The following LIN52 variants were observed in gnomAD, a reference collection of about 807,000 sequenced individuals.
LIN52 encodes lin-52 DREAM MuvB core complex component.
Under a neutral mutation model 18.5 loss-of-function variants are expected in LIN52, and 4 were observed. The ratio of observed to expected loss-of-function variants is 0.22; its 90% CI spans 0.11 to 0.49. The LOEUF is 0.49. LIN52 is among the 20% of genes least tolerant of loss of function. The pLI is 0.97. For synonymous variants in LIN52, 34 were observed against 45.5 expected (o/e 0.75, Z 1.02); for missense variants, 102 against 139.5 (o/e 0.73, Z 1.35).
At chr14:74,162,182 T>G (rs1392998031) in intron 5 of LIN52, among the ~76,000 whole-genome samples, 3 of 152,172 alleles carry the variant, frequency 2.0e-5, no homozygotes, top group African/African-American at 7.2e-5. Flanking sequence ...AATTGGAAGA[T>G]AACAAAGCAT....
chr14:74,096,012 G>A (rs1381837906), intron 3 of LIN52, 27 bp downstream of exon 3: 5 of 1,553,300 alleles, frequency 3.2e-6, no homozygotes, highest in Non-Finnish European at 4.4e-6. Context: ...ACCTACTGAG[G>A]TCAATCCAAA....
chr14:74,180,404 T>TA (rs1187102552), intron 5 of LIN52, among the ~76,000 whole-genome samples: 1 of 151,794 alleles, frequency 6.6e-6, no homozygotes, highest in Non-Finnish European at 1.5e-5. Flanking sequence ...TAGCTGGGAC[T>TA]ACAGGCGCCT....
At chr14:74,107,319 C>T (rs774962785) in intron 5 of LIN52, among the ~76,000 whole-genome samples, 2 of 152,170 alleles carry the variant, frequency 1.3e-5, no homozygotes, top group African/African-American at 2.4e-5. Flanking sequence ...AGTTTCAATA[C>T]TACATTGCTT....
intron 5 of LIN52, among the ~76,000 whole-genome samples, chr14:74,154,685 G>T (rs1246573658): frequency 1.3e-5 from 2 of 152,124 alleles, no homozygotes; most frequent in African/African-American, 4.8e-5. Context: ...GCAATTTTGG[G>T]TGAATTGCTA....
intron 5 of LIN52, among the ~76,000 whole-genome samples, chr14:74,125,146 G>A (rs1366931715): frequency 1.3e-5 from 2 of 152,046 alleles, no homozygotes; most frequent in East Asian, 3.8e-4. Flanking sequence ...GGGATGGCTG[G>A]GTCAAATGGT....
chr14:74,185,100 T>C (rs972580833), intron 5 of LIN52, among the ~76,000 whole-genome samples: 2 of 151,974 alleles, frequency 1.3e-5, no homozygotes, highest in African/African-American at 4.8e-5. Context: ...AACCCTGGTT[T>C]CTTTTAGTAG....
chr14:74,108,850 T>A (rs143322915), intron 5 of LIN52, among the ~76,000 whole-genome samples: 17 of 152,320 alleles, frequency 1.1e-4, no homozygotes, highest in Admixed American at 1.1e-3. Context: ...TCTCTCATTC[T>A]ATGGGTTGTC....
chr14:74,132,603 G>A (rs1033203730), intron 5 of LIN52, among the ~76,000 whole-genome samples: 2 of 152,114 alleles, frequency 1.3e-5, no homozygotes, highest in Admixed American at 6.6e-5. Flanking sequence ...CCGCCTCCCC[G>A]GCTTAAGCAA....
chr14:74,119,992 C>T lies in LIN52; in HGVS notation c.283+18754C>T, dbSNP rs377023288. 2.0e-5 allele frequency among the ~76,000 whole-genome samples: 3 copies of T among 151,910 alleles called. No homozygotes were observed. The East Asian group carries it at 5.8e-4, about 30-fold the overall frequency. On this transcript the variant is annotated intron_variant, in intron 5 of 5. Transcript: ENST00000555028. Reference sequence around the variant, plus strand: ...CTGGAATTACAGGTGCACGCTACCACGTGTGCCTAATTTTTGTATTTTTAG... The same window carrying T: ...CTGGAATTACAGGTGCACGCTACCATGTGTGCCTAATTTTTGTATTTTTAG...
chr14:74,137,590 C>T (rs944225443), intron 5 of LIN52, among the ~76,000 whole-genome samples: 3 of 149,996 alleles, frequency 2.0e-5, no homozygotes, highest in Non-Finnish European at 4.4e-5. Flanking sequence ...CCTCTCCCTC[C>T]TGGGTTCAAG....
rs547982595 is a variant in LIN52 at position 74,137,548 on chromosome 14, G to C, written c.283+36310G>C. 1.1e-4 allele frequency among the ~76,000 whole-genome samples: 15 copies of C among 139,536 alleles called. No individual in the cohort carries two copies. The South Asian group carries it at 2.9e-3, about 27-fold the overall frequency. The allele number at this position is 139,536 out of a possible 152,430, so 91.5% of individuals were successfully genotyped here. ...GAGTCTTGCTCTGTTGCCCAGGCTG[G>C]AGTGCAGTGGCGCGATCTCAGCTCA... On this transcript the variant is annotated intron_variant, in intron 5 of 5. Transcript: ENST00000555028.
Position 74,200,508 on chromosome 14 carries a change from G to A in LIN52, c.*1531G>A, listed in dbSNP as rs1364642199. On this transcript the variant is annotated 3_prime_UTR_variant, in exon 6 of 6. Coordinates refer to ENST00000555028, the MANE Select transcript of LIN52 (RefSeq NM_001024674.3). ...AAGAAAAGTTATGGTTTTGAGTCGT[G>A]AGTGTTTGCTAGGGCATGGCACTCT... 3 of 151,270 alleles carry A rather than the reference G, an allele frequency of 2.0e-5. No individual in the cohort carries two copies. The highest frequency in any genetic ancestry group is 4.4e-5 in the Non-Finnish European group (3 of 67,914). The allele number at this position is 151,270 out of a possible 1,614,324, so 9.4% of individuals were successfully genotyped here. A position where few individuals can be genotyped will look rare whatever the true frequency, so the allele number is the denominator to read the frequency against.
intron 5 of LIN52, among the ~76,000 whole-genome samples, chr14:74,142,141 A>G (rs1177451044): frequency 1.3e-5 from 2 of 152,226 alleles, no homozygotes; most frequent in Non-Finnish European, 2.9e-5. Flanking sequence ...GAGAATCTGT[A>G]TGCAAATTGA....
intron 5 of LIN52, among the ~76,000 whole-genome samples, chr14:74,109,171 G>T (rs1299623253): frequency 1.3e-5 from 2 of 152,102 alleles, no homozygotes; most frequent in Non-Finnish European, 2.9e-5. Flanking sequence ...CTATTGAATT[G>T]TCTTGACATC....
At chr14:74,169,459 C>T (rs2061262231) in intron 5 of LIN52, among the ~76,000 whole-genome samples, 1 of 152,136 alleles carries the variant, frequency 6.6e-6, no homozygotes, top group Non-Finnish European at 1.5e-5. Flanking sequence ...TCCCCTCTCT[C>T]CAGCATCATA....
chr14:74,185,683 A>G (rs1408949803), intron 5 of LIN52, among the ~76,000 whole-genome samples: 1 of 152,176 alleles, frequency 6.6e-6, no homozygotes, highest in African/African-American at 2.4e-5. Flanking sequence ...TTAACCTACA[A>G]TAAAAGTTAC....
At chr14:74,091,963 G>T (rs1288879778) in intron 2 of LIN52, among the ~76,000 whole-genome samples, 2 of 151,932 alleles carry the variant, frequency 1.3e-5, no homozygotes, top group Non-Finnish European at 2.9e-5. Flanking sequence ...AAAATAAGGA[G>T]CCATTAAACA....
At chr14:74,153,361 T>C (rs1409428385) in intron 5 of LIN52, among the ~76,000 whole-genome samples, 1 of 152,190 alleles carries the variant, frequency 6.6e-6, no homozygotes, top group African/African-American at 2.4e-5. Context: ...ATTGTAATAG[T>C]CATTGATATT....
chr14:74,132,206 T>G (rs1371800462), intron 5 of LIN52, among the ~76,000 whole-genome samples: 1 of 152,240 alleles, frequency 6.6e-6, no homozygotes, highest in African/African-American at 2.4e-5. Context: ...TTTGTAAAAC[T>G]GGGGCTGGAG....
Sources: allele counts gnomAD v4.1 joint callset (sites outside exome capture counted in the v4.1 genomes callset), GRCh38; gene constraint gnomAD v4.1.1; transcripts MANE v1.5; gene names NCBI Gene and HGNC (gene_info 2026-07-23, HGNC 2026-07-21).